ZNF827: variants seen among roughly 807,000 people sequenced by gnomAD.
ZNF827 encodes the protein zinc finger protein 827.
In ZNF827, 13 loss-of-function variants were observed where a neutral mutation model predicts 102.4. The observed-to-expected ratio is 0.13, with a 90% confidence interval of 0.08 to 0.20. ZNF827 has a LOEUF of 0.20. ZNF827 is among the 10% of genes least tolerant of loss of function. ZNF827 has a pLI of 1.00. For synonymous variants in ZNF827, 523 were observed against 536.2 expected, an observed-to-expected ratio of 0.98 and a Z score of 0.34; for missense variants, 1,103 against 1,344.4, an observed-to-expected ratio of 0.82 and a Z score of 2.81.
chr4:145,770,797 A>AT (rs1158534491), intron 11 of ZNF827, among the ~76,000 whole-genome samples: 1 of 152,212 alleles, frequency 6.6e-6, no homozygotes, highest in African/African-American at 2.4e-5. Flanking sequence ...CTAATTGAAT[A>AT]TTTTCCCATG....
intron 3 of ZNF827, among the ~76,000 whole-genome samples, chr4:145,892,035 T>TTC (rs899967486): frequency 1.3e-5 from 2 of 152,188 alleles, no homozygotes; most frequent in African/African-American, 4.8e-5. Context: ...ATATCGAAGG[T>TTC]TCTCTCTCTC....
At chr4:145,826,682 G>C (rs1210346731) in intron 7 of ZNF827, among the ~76,000 whole-genome samples, 1 of 152,220 alleles carries the variant, frequency 6.6e-6, no homozygotes, top group Non-Finnish European at 1.5e-5. Context: ...CCATATGTAT[G>C]CATAGGAAAA....
intron 1 of ZNF827, among the ~76,000 whole-genome samples, chr4:145,927,201 G>A (rs779958940): frequency 2.0e-5 from 3 of 152,064 alleles, no homozygotes; most frequent in Admixed American, 1.3e-4. Flanking sequence ...AGAAAACGCC[G>A]CCTAATTCTA....
Position 145,760,963 on chromosome 4 carries a change from C to A in ZNF827, c.*653G>T. ...ATCTGAGTTCCGGTACTTGTCAAAG[C>A]GCAAAGGGGAGCCGTTGAAGGCCAA... On this transcript the variant is annotated 3_prime_UTR_variant, in exon 15 of 15. Coordinates refer to ENST00000508784, the MANE Select transcript of ZNF827 (RefSeq NM_001306215.2). The A allele has an allele frequency of 8.1e-7, 1 of 1,238,444 alleles. No individual in the cohort carries two copies. The highest frequency in any genetic ancestry group is 1.0e-6 in the Non-Finnish European group (1 of 964,876). 76.7% of individuals were successfully genotyped at this position (1,238,444 alleles called of 1,614,324 possible).
chr4:145,851,815 G>A (rs989112248), intron 5 of ZNF827, among the ~76,000 whole-genome samples: 4 of 151,904 alleles, frequency 2.6e-5, no homozygotes, highest in Non-Finnish European at 5.9e-5. Flanking sequence ...AATAAAAAAA[G>A]AGAAGAAGAA....
At chr4:145,821,163 T>C (rs999310473) in intron 8 of ZNF827, among the ~76,000 whole-genome samples, 2 of 152,226 alleles carry the variant, frequency 1.3e-5, no homozygotes, top group African/African-American at 2.4e-5. Flanking sequence ...TGTATAAATT[T>C]CACCCCTTGT....
intron 1 of ZNF827, among the ~76,000 whole-genome samples, chr4:145,906,090 A>G (rs1266488425): frequency 1.3e-5 from 2 of 152,238 alleles, no homozygotes; most frequent in Non-Finnish European, 2.9e-5. Flanking sequence ...TACGTTAAGT[A>G]AAGGTTACTG....
At chr4:145,833,326 C>T (rs1744445429) in intron 7 of ZNF827, among the ~76,000 whole-genome samples, 1 of 152,192 alleles carries the variant, frequency 6.6e-6, no homozygotes, top group South Asian at 2.1e-4. Context: ...ACCCAAAACT[C>T]TGGCGCCAGT....
chr4:145,834,522 T>C (rs1347783833), intron 7 of ZNF827, among the ~76,000 whole-genome samples: 1 of 152,118 alleles, frequency 6.6e-6, no homozygotes, highest in Non-Finnish European at 1.5e-5. Flanking sequence ...CTGGTCCGGC[T>C]TACAGTTTCG....
At chr4:145,854,621 G>A (rs1279342563) in intron 5 of ZNF827, among the ~76,000 whole-genome samples, 1 of 152,118 alleles carries the variant, frequency 6.6e-6, no homozygotes, top group East Asian at 1.9e-4. Flanking sequence ...TCATCTCTGA[G>A]CACTCCTCCA....
At chr4:145,870,968 G>T (rs1160935631) in intron 4 of ZNF827, among the ~76,000 whole-genome samples, 1 of 152,190 alleles carries the variant, frequency 6.6e-6, no homozygotes, top group Non-Finnish European at 1.5e-5. Context: ...GCTCAGACTA[G>T]AGATAGACCA....
chr4:145,848,927 T>A (rs1161784111), intron 6 of ZNF827, among the ~76,000 whole-genome samples: 1 of 152,130 alleles, frequency 6.6e-6, no homozygotes, highest in African/African-American at 2.4e-5. Flanking sequence ...CAGACCACAC[T>A]AATTTGGAAG....
intron 2 of ZNF827, among the ~76,000 whole-genome samples, chr4:145,896,677 G>C (rs1375717662): frequency 6.6e-6 from 1 of 152,246 alleles, no homozygotes; most frequent in Non-Finnish European, 1.5e-5. Flanking sequence ...AAGAGTGTAT[G>C]TATGCCTTTC....
chr4:145,883,205 C>T (rs944802910), intron 4 of ZNF827, among the ~76,000 whole-genome samples: 6 of 152,200 alleles, frequency 3.9e-5, no homozygotes, highest in Non-Finnish European at 7.3e-5. Flanking sequence ...ATGCATCTCA[C>T]TCCCCAGTGA....
intron 4 of ZNF827, among the ~76,000 whole-genome samples, chr4:145,882,774 T>G (rs570385936): frequency 8.5e-5 from 13 of 152,288 alleles, no homozygotes; most frequent in Admixed American, 5.2e-4. Flanking sequence ...ACAGACTCAG[T>G]GCCCACAAAC....
intron 8 of ZNF827, among the ~76,000 whole-genome samples, chr4:145,816,472 G>C (rs1389993708): frequency 6.6e-6 from 1 of 152,216 alleles, no homozygotes; most frequent in Non-Finnish European, 1.5e-5. Context: ...CTGGTCTATA[G>C]GGGCTGACAA....
At chr4:145,789,607 C>T (rs901662174) in intron 8 of ZNF827, among the ~76,000 whole-genome samples, 10 of 152,272 alleles carry the variant, frequency 6.6e-5, no homozygotes, top group Admixed American at 1.3e-4. Context: ...CTGAACTCAA[C>T]GTCACCTAGC....
In ZNF827 at chr4:145,760,195, G is replaced by A. The variant is rs1734294860; in HGVS notation, c.*1421C>T. 1 of 152,342 alleles carries A rather than the reference G, an allele frequency of 6.6e-6. No individual in the cohort carries two copies. The highest frequency in any genetic ancestry group is 1.9e-4 in the East Asian group (1 of 5,188). The allele number at this position is 152,342 out of a possible 1,614,324, so 9.4% of individuals were successfully genotyped here. ...CACTCTGTAGCCATCAAAGAGAGAG[G>A]GAAAGGTGATGAAGGAGCACAGGGA... is the stretch of plus-strand genomic sequence containing the variant. On this transcript the variant is annotated 3_prime_UTR_variant, in exon 15 of 15. Transcript: ENST00000508784.
chr4:145,841,003 C>T (rs1421620440), intron 7 of ZNF827, among the ~76,000 whole-genome samples: 5 of 152,178 alleles, frequency 3.3e-5, no homozygotes, highest in Non-Finnish European at 7.4e-5. Context: ...CCCACTTCTG[C>T]TTTTTGTCTA....
Sources: gnomAD v4.1 joint callset for allele counts (sites outside exome capture counted in the v4.1 genomes callset) on GRCh38, gnomAD v4.1.1 for gene constraint, MANE v1.5 for transcripts, NCBI Gene and HGNC (gene_info 2026-07-23, HGNC 2026-07-21) for gene names.